Variants in EML6 observed in about 807,000 individuals in gnomAD.
The protein encoded by EML6 is EMAP like 6, also known as echinoderm microtubule-associated protein-like 6.
In EML6, 154 loss-of-function variants were observed where a neutral mutation model predicts 240.1. The observed-to-expected ratio is 0.64, with a 90% CI of 0.56 to 0.73. The LOEUF (loss-of-function observed/expected upper bound fraction) is 0.73, where lower values mean the gene tolerates loss of function less well. Ranked by LOEUF, EML6 falls within the 30% of genes least tolerant of loss-of-function variation. The pLI is 0.00. For synonymous variants in EML6, 1,148 were observed against 899.0 expected, an observed-to-expected ratio of 1.28 and a Z score of -4.95; for missense variants, 2,964 against 2,474.6, an observed-to-expected ratio of 1.20 and a Z score of -4.20.
chr2:54,919,996 G>A (rs368967443), intron 26 of EML6, among the ~76,000 whole-genome samples: 3 of 152,102 alleles, frequency 2.0e-5, no homozygotes, highest in African/African-American at 4.8e-5. Context: ...CACATAAGAC[G>A]AGAGAATAAT....
At chr2:54,966,977 C>G in intron 38 of EML6, 23 bp from the exon 39 acceptor site, 1 of 1,477,404 alleles carries the variant, frequency 6.8e-7, no homozygotes, top group South Asian at 1.2e-5. Flanking sequence ...CGTTGATGAA[C>G]ATGGCTTCCC....
In EML6 at chr2:54,846,923, A is replaced by ATTTTTTTTTTTTTTTTTTT. The variant is rs34352060; in HGVS notation, c.1050-550_1050-549insTTTTTTTTTTTTTTTTTTT. On this transcript the variant is annotated intron_variant, in intron 8 of 41. Transcript: ENST00000356458. ...AAAGTAATATTTTGTATGAAGTAGT[A>ATTTTTTTTTTTTTTTTTTT]TTTTTTTTTTTTTGGAGACAGGGCC... Among the ~76,000 whole-genome samples, 191 of 129,860 alleles carry ATTTTTTTTTTTTTTTTTTT rather than the reference A, an allele frequency of 1.5e-3. 12 individuals carry two copies. The highest frequency in any genetic ancestry group is 6.9e-3 in the East Asian group (26 of 3,762). 85.2% of individuals were successfully genotyped at this position (129,860 alleles called of 152,430 possible).
intron 2 of EML6, among the ~76,000 whole-genome samples, chr2:54,792,919 GA>G (rs1669533953): frequency 6.6e-6 from 1 of 152,124 alleles, no homozygotes; most frequent in South Asian, 2.1e-4. Flanking sequence ...GCAAAAAAAA[GA>G]AATGATTTTT....
intron 26 of EML6, among the ~76,000 whole-genome samples, chr2:54,925,117 G>T (rs1402069772): frequency 1.3e-5 from 2 of 152,150 alleles, no homozygotes; most frequent in African/African-American, 2.4e-5. Context: ...GAGTTTATAA[G>T]GGAGGGGCCC....
chr2:54,818,890 A>C (rs1242313798), intron 4 of EML6, among the ~76,000 whole-genome samples: 2 of 152,230 alleles, frequency 1.3e-5, no homozygotes, highest in African/African-American at 4.8e-5. Flanking sequence ...GCTTATGATT[A>C]ACTTCAAGAT....
chr2:54,840,920 T>G (rs1319330729), intron 7 of EML6, among the ~76,000 whole-genome samples: 2 of 152,240 alleles, frequency 1.3e-5, no homozygotes, highest in Non-Finnish European at 1.5e-5. Context: ...AGCAAAGCAT[T>G]AAACCCTTTG....
At chr2:54,778,300 C>G (rs1364480660) in intron 2 of EML6, among the ~76,000 whole-genome samples, 1 of 151,914 alleles carries the variant, frequency 6.6e-6, no homozygotes, top group Non-Finnish European at 1.5e-5. Context: ...GAAATTTATT[C>G]CTAAAGAAGG....
At chr2:54,861,558 G>C (rs1343396937) in intron 12 of EML6, among the ~76,000 whole-genome samples, 1 of 152,116 alleles carries the variant, frequency 6.6e-6, no homozygotes, top group African/African-American at 2.4e-5. Context: ...AACCCTTCTA[G>C]CTACATCAAA....
chr2:54,738,060 C>CT (rs1244602694), intron 2 of EML6, among the ~76,000 whole-genome samples: 1 of 152,200 alleles, frequency 6.6e-6, no homozygotes, highest in Non-Finnish European at 1.5e-5. Context: ...ACTGATTACT[C>CT]TATTTAAAAT....
intron 31 of EML6, among the ~76,000 whole-genome samples, chr2:54,953,390 G>T (rs541022303): frequency 2.6e-5 from 4 of 152,180 alleles, no homozygotes. Context: ...TTTGCTGATT[G>T]TATCTTGCCG....
intron 28 of EML6, among the ~76,000 whole-genome samples, chr2:54,930,766 C>T (rs1229730706): frequency 2.0e-5 from 3 of 152,098 alleles, no homozygotes; most frequent in Non-Finnish European, 4.4e-5. Flanking sequence ...CTGCCAGCTG[C>T]ACAGCATGCC....
chr2:54,772,850 G>A (rs1668455058), intron 2 of EML6, among the ~76,000 whole-genome samples: 1 of 152,350 alleles, frequency 6.6e-6, no homozygotes, highest in Admixed American at 6.5e-5. Context: ...CGAGGGTGAT[G>A]ACATTGTCAG....
chr2:54,866,784 C>T lies in EML6; in HGVS notation c.1951C>T (p.Pro651Ser), dbSNP rs1427256141. 2.6e-6 allele frequency: 4 copies of T among 1,550,204 alleles called. No individual in the cohort carries two copies. Among genetic ancestry groups the T allele is most frequent in the Non-Finnish European group, 2.6e-6 (3 of 1,145,806 alleles). The change falls in exon 14 of 42, where the codon CCT becomes TCT. Residue 651 changes from proline to serine, a missense_variant. Transcript: ENST00000356458. ...CTTTAAGGTTTACAAAGAAGATCTA[C>T]CTCAGCTAAAGCAACAAAGTAAAGA... ...YDRQVYKEDL[P>S]QLKQQSKEKN...
intron 24 of EML6, among the ~76,000 whole-genome samples, chr2:54,905,835 T>C (rs1371577943): frequency 6.6e-6 from 1 of 152,240 alleles, no homozygotes; most frequent in Non-Finnish European, 1.5e-5. Flanking sequence ...GTTCTCAAGA[T>C]TCCTCCATGT....
intron 2 of EML6, among the ~76,000 whole-genome samples, chr2:54,787,662 G>T (rs1669163598): frequency 6.6e-6 from 1 of 152,186 alleles, no homozygotes; most frequent in Non-Finnish European, 1.5e-5. Context: ...TAGCAATAAA[G>T]TGGAGCATTT....
rs1461827555 is a variant in EML6, at chr2:54,853,631, G to C, written c.1445-12G>C. The C allele has an allele frequency of 1.4e-6, 2 of 1,474,576 alleles. No homozygotes were observed. Among genetic ancestry groups the C allele is most frequent in the East Asian group, 5.0e-5 (2 of 40,100 alleles). 91.3% of individuals were successfully genotyped at this position (1,474,576 alleles called of 1,614,324 possible). ...TTTATTTAAATGTAATGTTAATATTGATTATTTTCAGCTGGGAAGCCTTTA... is the reference window on the plus strand; with the variant it reads ...TTTATTTAAATGTAATGTTAATATTCATTATTTTCAGCTGGGAAGCCTTTA... On this transcript the variant is annotated splice_polypyrimidine_tract_variant and intron_variant, in intron 10 of 41. Transcript: ENST00000356458.
intron 26 of EML6, among the ~76,000 whole-genome samples, chr2:54,918,278 G>A (rs936899855): frequency 1.3e-5 from 2 of 152,028 alleles, no homozygotes; most frequent in Admixed American, 1.3e-4. Flanking sequence ...AAGACAGACT[G>A]GAACAATCAC....
At chr2:54,948,062 G>T (rs1170243371) in intron 28 of EML6, among the ~76,000 whole-genome samples, 1 of 152,132 alleles carries the variant, frequency 6.6e-6, no homozygotes, top group South Asian at 2.1e-4. Flanking sequence ...AATTACTTTG[G>T]AACATGCGGT....
chr2:54,938,460 T>C (rs991953363), intron 28 of EML6, among the ~76,000 whole-genome samples: 8 of 152,204 alleles, frequency 5.3e-5, no homozygotes, highest in Admixed American at 2.6e-4. Flanking sequence ...GCCATGCTTA[T>C]TGGCATTTTT....
Sources: allele counts gnomAD v4.1 joint callset (sites outside exome capture counted in the v4.1 genomes callset), GRCh38; gene constraint gnomAD v4.1.1; transcripts MANE v1.5; gene names NCBI Gene and HGNC (gene_info 2026-07-23, HGNC 2026-07-21).